TMEM135: variants seen among roughly 807,000 people sequenced by gnomAD.
TMEM135 encodes transmembrane protein 135.
A neutral mutation model predicts 60.3 loss-of-function variants in TMEM135; 30 were observed. The ratio of observed to expected loss-of-function variants is 0.50; its 90% CI spans 0.37 to 0.68. The LOEUF is 0.68. Ranked by LOEUF, TMEM135 falls within the 30% of genes least tolerant of loss-of-function variation. The probability of loss-of-function intolerance (pLI) is 0.00; values close to 1 mark genes in which losing one functional copy is unlikely to be tolerated. For missense variants in TMEM135, 468 were observed against 548.8 expected (o/e 0.85, Z 1.47); for synonymous variants, 190 against 186.7 (o/e 1.02, Z -0.14).
At chr11:87,064,951 C>CT (rs112869970) in intron 1 of TMEM135, among the ~76,000 whole-genome samples, 28 of 149,566 alleles carry the variant, frequency 1.9e-4, no homozygotes, top group Non-Finnish European at 2.4e-4. Context: ...TTAGGATTAG[C>CT]TTTTTTTTTT....
At chr11:87,171,475 C>G (rs927081200) in intron 5 of TMEM135, among the ~76,000 whole-genome samples, 1 of 151,980 alleles carries the variant, frequency 6.6e-6, no homozygotes, top group Non-Finnish European at 1.5e-5. Flanking sequence ...TAAGCCAGTA[C>G]TGCAAACATA....
chr11:87,086,695 C>G (rs553791805), intron 3 of TMEM135, among the ~76,000 whole-genome samples: 1 of 152,044 alleles, frequency 6.6e-6, no homozygotes, highest in African/African-American at 2.4e-5. Flanking sequence ...GCATAGAAAA[C>G]CAATTAGGAA....
chr11:87,314,611 T>G, intron 12 of TMEM135, 64 bp downstream of exon 12: 1 of 1,347,518 alleles, frequency 7.4e-7, no homozygotes, highest in Non-Finnish European at 1.1e-6. Context: ...GCTGACTGTT[T>G]TAGCAGCAAA....
At chr11:87,272,658 T>G (rs575363881) in intron 6 of TMEM135, among the ~76,000 whole-genome samples, 14 of 152,124 alleles carry the variant, frequency 9.2e-5, no homozygotes, top group African/African-American at 3.1e-4. Context: ...AGATGAGGTC[T>G]TGCTCTGTTG....
chr11:87,185,996 T>C (rs1441427807), intron 5 of TMEM135, among the ~76,000 whole-genome samples: 1 of 150,796 alleles, frequency 6.6e-6, no homozygotes, highest in East Asian at 1.9e-4. Flanking sequence ...AACATTTGTC[T>C]CCCAGGTTCA....
intron 4 of TMEM135, among the ~76,000 whole-genome samples, chr11:87,147,826 T>C (rs687208): frequency 0.37 from 55,921 of 152,058 alleles, 10,826 homozygotes; most frequent in East Asian, 0.67. Context: ...GGCACAATCT[T>C]GGCTCACTGC....
intron 6 of TMEM135, among the ~76,000 whole-genome samples, chr11:87,250,671 T>A (rs470693): frequency 1.3e-5 from 2 of 151,874 alleles, no homozygotes; most frequent in East Asian, 3.9e-4. Context: ...TTTTAAGACT[T>A]GTTTTGTGGC....
chr11:87,162,188 T>C (rs1047342067), intron 5 of TMEM135, among the ~76,000 whole-genome samples: 30 of 149,504 alleles, frequency 2.0e-4, no homozygotes, highest in South Asian at 2.1e-4. Context: ...TTAAAGGAGG[T>C]ATATCTTTTA....
intron 6 of TMEM135, among the ~76,000 whole-genome samples, chr11:87,286,118 G>A (rs1462582579): frequency 6.6e-6 from 1 of 151,688 alleles, no homozygotes; most frequent in African/African-American, 2.4e-5. Flanking sequence ...GTGTATTTAC[G>A]ATCCTTTAGC....
chr11:87,270,623 A>G (rs2135410326), intron 6 of TMEM135, among the ~76,000 whole-genome samples: 1 of 152,290 alleles, frequency 6.6e-6, no homozygotes, highest in Non-Finnish European at 1.5e-5. Context: ...CATTCCCACC[A>G]TATGATTTGT....
At chr11:87,171,345 T>A (rs7125312) in intron 5 of TMEM135, among the ~76,000 whole-genome samples, 91 of 128,890 alleles carry the variant, frequency 7.1e-4, no homozygotes, top group African/African-American at 2.4e-3. Context: ...AGTGTTTTTT[T>A]TTTTTTTAAT....
intron 5 of TMEM135, among the ~76,000 whole-genome samples, chr11:87,209,515 T>C (rs1035418691): frequency 6.6e-6 from 1 of 152,194 alleles, no homozygotes; most frequent in Non-Finnish European, 1.5e-5. Flanking sequence ...TAAATATATA[T>C]GCACTCAACA....
chr11:87,053,621 T>C (rs1346498520), intron 1 of TMEM135, among the ~76,000 whole-genome samples: 1 of 152,124 alleles, frequency 6.6e-6, no homozygotes, highest in Non-Finnish European at 1.5e-5. Context: ...CCCTTACTTT[T>C]ATAGTATAGT....
intron 4 of TMEM135, among the ~76,000 whole-genome samples, chr11:87,098,229 T>A (rs1857374763): frequency 6.6e-6 from 1 of 152,048 alleles, no homozygotes; most frequent in African/African-American, 2.4e-5. Context: ...AGCGTTCCAA[T>A]AATGGAACAC....
At chr11:87,187,085 C>G (rs1939672090) in intron 5 of TMEM135, among the ~76,000 whole-genome samples, 1 of 152,150 alleles carries the variant, frequency 6.6e-6, no homozygotes, top group Non-Finnish European at 1.5e-5. Flanking sequence ...ACTGGGTTCT[C>G]AAACTTATTT....
At chr11:87,318,286 TAC>T (rs753355706) in intron 13 of TMEM135, 51 bp downstream of exon 13, 3 of 1,258,506 alleles carry the variant, frequency 2.4e-6, no homozygotes, top group Non-Finnish European at 3.5e-6. Flanking sequence ...GTTTCTAATG[TAC>T]GTTAATCAAA....
intron 4 of TMEM135, among the ~76,000 whole-genome samples, chr11:87,150,332 C>T (rs918016879): frequency 3.3e-5 from 5 of 152,070 alleles, no homozygotes. Flanking sequence ...CAGAGGCAAC[C>T]ACTTGCAGTC....
intron 1 of TMEM135, among the ~76,000 whole-genome samples, chr11:87,045,995 A>T (rs1304383133): frequency 6.6e-6 from 1 of 152,228 alleles, no homozygotes; most frequent in Admixed American, 6.5e-5. Flanking sequence ...CATTGAGTTT[A>T]TAGTTTAGGA....
intron 6 of TMEM135, among the ~76,000 whole-genome samples, chr11:87,247,819 A>G (rs1260310425): frequency 6.6e-6 from 1 of 152,080 alleles, no homozygotes; most frequent in Non-Finnish European, 1.5e-5. Context: ...AAGTGAGGCA[A>G]TGCCTCGCCC....
Sources: allele counts gnomAD v4.1 joint callset (sites outside exome capture counted in the v4.1 genomes callset), GRCh38; gene constraint gnomAD v4.1.1; transcripts MANE v1.5; gene names NCBI Gene and HGNC (gene_info 2026-07-23, HGNC 2026-07-21).